Variants in CFAP299 observed in about 807,000 individuals in gnomAD.
The protein encoded by CFAP299 is cilia and flagella associated protein 299.
A neutral mutation model predicts 27.0 loss-of-function variants in CFAP299; 21 were observed. The observed-to-expected ratio is 0.78, with a 90% CI of 0.55 to 1.12. The LOEUF (loss-of-function observed/expected upper bound fraction) is 1.12, where lower values mean the gene tolerates loss of function less well. CFAP299 is among the 50% of genes most tolerant of loss of function. The pLI, the probability that CFAP299 is intolerant of heterozygous loss-of-function variation, is 0.00. For missense variants in CFAP299, 310 were observed against 276.6 expected, an observed-to-expected ratio of 1.12 and a Z score of -0.86; for synonymous variants, 104 against 98.1, an observed-to-expected ratio of 1.06 and a Z score of -0.36.
At chr4:80,902,964 A>G (rs941871877) in intron 4 of CFAP299, among the ~76,000 whole-genome samples, 1 of 152,088 alleles carries the variant, frequency 6.6e-6, no homozygotes, top group Non-Finnish European at 1.5e-5. Context: ...GACTATTGAC[A>G]TATTTTAGTA....
intron 4 of CFAP299, among the ~76,000 whole-genome samples, chr4:80,916,557 A>C (rs1010328417): frequency 6.6e-6 from 1 of 151,804 alleles, no homozygotes; most frequent in Non-Finnish European, 1.5e-5. Context: ...CCAATAACCT[A>C]TATATTATAA....
At chr4:80,523,929 C>A (rs928215246) in intron 2 of CFAP299, among the ~76,000 whole-genome samples, 2 of 151,948 alleles carry the variant, frequency 1.3e-5, no homozygotes, top group Non-Finnish European at 2.9e-5. Flanking sequence ...TCATAATAAT[C>A]CAGATAATAA....
chr4:80,355,070 C>T (rs1427872272), intron 1 of CFAP299, among the ~76,000 whole-genome samples: 2 of 152,060 alleles, frequency 1.3e-5, no homozygotes, highest in Non-Finnish European at 2.9e-5. Flanking sequence ...AATGGTATTT[C>T]TATTTTTAGG....
At chr4:80,343,482 A>G (rs1328042243) in intron 1 of CFAP299, among the ~76,000 whole-genome samples, 1 of 152,208 alleles carries the variant, frequency 6.6e-6, no homozygotes, top group Non-Finnish European at 1.5e-5. Flanking sequence ...ATCAGACCAC[A>G]GTGCAATCAA....
intron 3 of CFAP299, among the ~76,000 whole-genome samples, chr4:80,633,141 T>G (rs955229671): frequency 6.6e-5 from 10 of 152,220 alleles, no homozygotes; most frequent in Admixed American, 6.5e-4. Flanking sequence ...AGTACCCTCC[T>G]CTTTTATTCT....
chr4:80,437,812 T>C (rs1728165693), intron 2 of CFAP299, among the ~76,000 whole-genome samples: 1 of 152,228 alleles, frequency 6.6e-6, no homozygotes, highest in African/African-American at 2.4e-5. Context: ...GTAATTTTTA[T>C]TTTAATGGGC....
intron 4 of CFAP299, chr4:80,871,481 T>G: frequency 1.0e-6 from 1 of 985,406 alleles, no homozygotes; most frequent in Non-Finnish European, 1.2e-6. Context: ...ATTGAGTCCT[T>G]TATGATTCTT....
chr4:80,777,349 C>A (rs1429941308), intron 3 of CFAP299, among the ~76,000 whole-genome samples: 1 of 152,102 alleles, frequency 6.6e-6, no homozygotes, highest in Non-Finnish European at 1.5e-5. Context: ...TGAATCTACT[C>A]ATTTCTATGG....
At chr4:80,687,660 G>A (rs536661923) in intron 3 of CFAP299, among the ~76,000 whole-genome samples, 1 of 152,280 alleles carries the variant, frequency 6.6e-6, no homozygotes, top group South Asian at 2.1e-4. Flanking sequence ...CTAAAACACA[G>A]AGCAGGGCAT....
intron 3 of CFAP299, among the ~76,000 whole-genome samples, chr4:80,774,614 C>T (rs1726418589): frequency 1.3e-5 from 2 of 151,772 alleles, no homozygotes; most frequent in Admixed American, 6.6e-5. Context: ...ATTGAGATAA[C>T]CACAAAATAA....
intron 4 of CFAP299, among the ~76,000 whole-genome samples, chr4:80,912,835 G>A (rs965842371): frequency 6.6e-6 from 1 of 152,120 alleles, no homozygotes; most frequent in African/African-American, 2.4e-5. Context: ...CACTCCCAAG[G>A]ACCAGGAAGA....
intron 2 of CFAP299, among the ~76,000 whole-genome samples, chr4:80,388,966 CCT>C (rs1725182235): frequency 6.6e-6 from 1 of 151,630 alleles, no homozygotes; most frequent in Non-Finnish European, 1.5e-5. Context: ...CTACTATTTC[CCT>C]GTTTACAGTA....
intron 3 of CFAP299, among the ~76,000 whole-genome samples, chr4:80,690,267 T>C (rs1341612402): frequency 6.6e-6 from 1 of 150,398 alleles, no homozygotes; most frequent in Non-Finnish European, 1.5e-5. Context: ...ACCACACCTA[T>C]TCCAAAATTG....
chr4:80,471,477 C>T (rs889137265), intron 2 of CFAP299, among the ~76,000 whole-genome samples: 62 of 150,280 alleles, frequency 4.1e-4, no homozygotes, highest in African/African-American at 1.3e-3. Context: ...GCATTAATTT[C>T]GTGCAACCAT....
intron 2 of CFAP299, chr4:80,386,198 A>T: frequency 1.1e-6 from 1 of 869,954 alleles, no homozygotes; most frequent in Non-Finnish European, 1.7e-6. Context: ...GCCTCGATGT[A>T]GATGAGCACA....
chr4:80,629,278 A>G (rs924173742), intron 3 of CFAP299, among the ~76,000 whole-genome samples: 9 of 152,302 alleles, frequency 5.9e-5, no homozygotes, highest in African/African-American at 1.9e-4. Flanking sequence ...ACAGAAGTAG[A>G]AAGTAGAATA....
intron 3 of CFAP299, among the ~76,000 whole-genome samples, chr4:80,594,613 T>A (rs1293125661): frequency 6.6e-6 from 1 of 152,202 alleles, no homozygotes. Flanking sequence ...ACCATTTTAT[T>A]TTTTTAATCT....
At chr4:80,667,861 T>C (rs889019377) in intron 3 of CFAP299, among the ~76,000 whole-genome samples, 1 of 152,154 alleles carries the variant, frequency 6.6e-6, no homozygotes, top group African/African-American at 2.4e-5. Context: ...CTGAATCATA[T>C]GGAAATTCTT....
intron 2 of CFAP299, among the ~76,000 whole-genome samples, chr4:80,503,466 T>C (rs1403503232): frequency 6.6e-6 from 1 of 152,144 alleles, no homozygotes; most frequent in East Asian, 1.9e-4. Flanking sequence ...TTTATGAGGC[T>C]GTATAATGTT....
Sources: gnomAD v4.1 joint callset for allele counts (sites outside exome capture counted in the v4.1 genomes callset) on GRCh38, gnomAD v4.1.1 for gene constraint, MANE v1.5 for transcripts, NCBI Gene and HGNC (gene_info 2026-07-23, HGNC 2026-07-21) for gene names.